Variants in STPG2 observed in about 807,000 individuals in gnomAD.
The protein encoded by STPG2 is sperm-tail PG-rich repeat-containing protein 2.
Under a neutral mutation model 54.2 loss-of-function variants are expected in STPG2, and 56 were observed. That is an observed-to-expected ratio of 1.03 (90% CI 0.83 to 1.29). STPG2 has a LOEUF of 1.29. STPG2 is among the 50% of genes most tolerant of loss of function. The pLI is 0.00. For synonymous variants in STPG2, 200 were observed against 181.8 expected (o/e 1.10, Z -0.81); for missense variants, 596 against 544.9 (o/e 1.09, Z -0.93).
rs145936644 is a variant in STPG2, at chr4:97,609,199, C to T, written c.1321-50082G>A. 4.2e-3 allele frequency among the ~76,000 whole-genome samples: 641 copies of T among 152,004 alleles called. 15 individuals are homozygous for T. Among genetic ancestry groups the T allele is most frequent in the Admixed American group, 0.037 (565 of 15,228 alleles). On this transcript the variant is annotated intron_variant, in intron 10 of 10. Transcript: ENST00000295268. ...AATATTGTTGCTGATTAAGTTTAAA[C>T]GGACAGTAAAAGACAAAAATCCACA...
chr4:98,141,544 A>G (rs1242873087), intron 1 of STPG2, among the ~76,000 whole-genome samples: 2 of 152,198 alleles, frequency 1.3e-5, no homozygotes, highest in African/African-American at 4.8e-5. Context: ...CAACCAGAAA[A>G]TGTTTAAATT....
chr4:97,959,413 G>A (rs1733802689), intron 7 of STPG2, among the ~76,000 whole-genome samples: 2 of 151,360 alleles, frequency 1.3e-5, no homozygotes, highest in East Asian at 1.9e-4. Flanking sequence ...AAAGATAAAT[G>A]AAACAAAAAG....
chr4:97,808,929 C>G (rs1727654509), intron 9 of STPG2, among the ~76,000 whole-genome samples: 3 of 151,896 alleles, frequency 2.0e-5, no homozygotes, highest in African/African-American at 7.2e-5. Flanking sequence ...TAATTAATAA[C>G]AGTCTCAAAA....
At chr4:98,072,184 TA>T (rs960974113) in intron 5 of STPG2, among the ~76,000 whole-genome samples, 1 of 152,078 alleles carries the variant, frequency 6.6e-6, no homozygotes, top group Admixed American at 6.6e-5. Context: ...ATAGACTGGA[TA>T]AAGAAAACGT....
At chr4:97,634,359 G>C (rs1376586974) in intron 10 of STPG2, among the ~76,000 whole-genome samples, 1 of 152,008 alleles carries the variant, frequency 6.6e-6, no homozygotes, top group Non-Finnish European at 1.5e-5. Context: ...CATCATCAAA[G>C]ACCAAAAGTA....
chr4:97,888,733 T>C (rs1730668196), intron 8 of STPG2, among the ~76,000 whole-genome samples: 1 of 152,108 alleles, frequency 6.6e-6, no homozygotes, highest in Non-Finnish European at 1.5e-5. Context: ...GAGAAGAACA[T>C]GAGACTTGGG....
rs569906966 is a variant in STPG2 at position 97,795,885 on chromosome 4, C to T, written c.1204+44888G>A. Among the ~76,000 whole-genome samples, 379 of 152,018 alleles carry T rather than the reference C, an allele frequency of 2.5e-3. 2 individuals are homozygous for T. Among genetic ancestry groups the T allele is most frequent in the African/African-American group, 3.3e-3 (136 of 41,396 alleles). ...TGTTGTTTCCTGACTTTTTAATGAC[C>T]ACCATTCTAACTGGTGTGAGATGAT... On this transcript the variant is annotated intron_variant, in intron 9 of 10. Transcript: ENST00000295268.
intron 5 of STPG2, among the ~76,000 whole-genome samples, chr4:98,103,542 G>A (rs1178302420): frequency 1.3e-5 from 2 of 152,040 alleles, no homozygotes. Flanking sequence ...TTGGGAGGCT[G>A]AGGCAGCAGA....
chr4:97,736,266 T>C (rs993218349), intron 9 of STPG2, among the ~76,000 whole-genome samples: 2 of 152,192 alleles, frequency 1.3e-5, no homozygotes, highest in Admixed American at 6.5e-5. Flanking sequence ...AGTCTACAGC[T>C]ACCAGTGTGA....
chr4:98,100,682 T>TTG (rs1739003428), intron 5 of STPG2, among the ~76,000 whole-genome samples: 1 of 146,150 alleles, frequency 6.8e-6, no homozygotes, highest in Non-Finnish European at 1.5e-5. Context: ...TTTTTTTTTT[T>TTG]TTTTTGTTTT....
At chr4:98,121,585 A>G (rs1050911594) in intron 3 of STPG2, among the ~76,000 whole-genome samples, 2 of 152,110 alleles carry the variant, frequency 1.3e-5, no homozygotes, top group African/African-American at 2.4e-5. Context: ...TTGTAGTTCT[A>G]CTTGAAGAGG....
intron 10 of STPG2, among the ~76,000 whole-genome samples, chr4:97,651,300 A>AT (rs1307556460): frequency 2.6e-5 from 4 of 152,124 alleles, no homozygotes; most frequent in African/African-American, 9.7e-5. Flanking sequence ...AAATCTAAAA[A>AT]TATGAAGAAA....
At chr4:97,534,229 T>G (rs1223337077) in intron 4 of STPG2, among the ~76,000 whole-genome samples, 1 of 152,118 alleles carries the variant, frequency 6.6e-6, no homozygotes, top group Non-Finnish European at 1.5e-5. Flanking sequence ...TGGTCATACA[T>G]GGTCATGAGG....
chr4:97,556,386 T>C (rs2148870590), downstream of STPG2, among the ~76,000 whole-genome samples: 1 of 152,332 alleles, frequency 6.6e-6, no homozygotes, highest in Admixed American at 6.5e-5. Context: ...TTTTAATTTA[T>C]CTAACTTATA....
At chr4:98,074,311 CCT>C (rs1353680715) in intron 5 of STPG2, among the ~76,000 whole-genome samples, 1 of 152,280 alleles carries the variant, frequency 6.6e-6, no homozygotes, top group East Asian at 1.9e-4. Context: ...TATATTTGCT[CCT>C]TTGAAGACAG....
intron 10 of STPG2, among the ~76,000 whole-genome samples, chr4:97,683,693 C>T (rs569161381): frequency 7.5e-4 from 114 of 151,674 alleles, no homozygotes; most frequent in Admixed American, 7.2e-4. Flanking sequence ...ATGCTTTTCT[C>T]GTAAGATCAG....
At chr4:98,025,493 G>C in intron 5 of STPG2, 1 of 573,596 alleles carries the variant, frequency 1.7e-6, no homozygotes, top group Non-Finnish European at 3.3e-6. Context: ...GAAACACTTA[G>C]TGATACAGGA....
In STPG2 at chr4:97,562,951, C is replaced by T. The variant is rs1476619383; in HGVS notation, c.1321-3834G>A. Among the ~76,000 whole-genome samples the T allele has an allele frequency of 2.0e-4, 31 of 152,130 alleles. 1 individual carries two copies. Among genetic ancestry groups the T allele is most frequent in the Non-Finnish European group, 4.6e-4 (31 of 68,026 alleles). On this transcript the variant is annotated intron_variant, in intron 10 of 10. Transcript: ENST00000295268. ...GGATTTGGTATCAGGATGATGCTGG[C>T]ATCATAAAATGAGTTAGGGAGGATT...
chr4:97,588,548 C>A (rs147556801), intron 10 of STPG2, among the ~76,000 whole-genome samples: 2 of 152,000 alleles, frequency 1.3e-5, no homozygotes, highest in African/African-American at 4.8e-5. Flanking sequence ...TTTCACCAAT[C>A]CAATTGGCAA....
Sources: gnomAD v4.1 joint callset for allele counts (sites outside exome capture counted in the v4.1 genomes callset) on GRCh38, gnomAD v4.1.1 for gene constraint, MANE v1.5 for transcripts, NCBI Gene and HGNC (gene_info 2026-07-23, HGNC 2026-07-21) for gene names.